Variants in PRKD1 observed in about 807,000 individuals in gnomAD.
The protein encoded by PRKD1 is protein kinase D1.
In PRKD1, 63 loss-of-function variants were observed where a neutral mutation model predicts 95.9. The observed-to-expected ratio is 0.66, with a 90% CI of 0.54 to 0.81. PRKD1 has a LOEUF of 0.81. Among genes scored for constraint, PRKD1 ranks in the 30% least tolerant of loss-of-function variants. The probability of loss-of-function intolerance (pLI) is 0.00; values close to 1 mark genes in which losing one functional copy is unlikely to be tolerated. For missense variants in PRKD1, 1,048 were observed against 1,165.3 expected, an observed-to-expected ratio of 0.90 and a Z score of 1.47; for synonymous variants, 425 against 423.1, an observed-to-expected ratio of 1.00 and a Z score of -0.05.
rs1235497459 is a variant in PRKD1, at chr14:29,826,708, CACAT to C, written c.264+100537_264+100540del. On this transcript the variant is annotated intron_variant, in intron 1 of 17. Transcript: ENST00000331968. ...ATACACACATATATATACATATATA[CACAT>C]ATATATATACATATATATACACATA... is the stretch of plus-strand genomic sequence containing the variant. Among the ~76,000 whole-genome samples the C allele has an allele frequency of 3.6e-4, 16 of 43,962 alleles. 4 individuals are homozygous for C. Among genetic ancestry groups the C allele is most frequent in the African/African-American group, 1.7e-3 (16 of 9,418 alleles). The allele number at this position is 43,962 out of a possible 152,430, so 28.8% of individuals were successfully genotyped here.
intron 1 of PRKD1, among the ~76,000 whole-genome samples, chr14:29,732,743 T>C (rs1886500808): frequency 6.6e-6 from 1 of 152,128 alleles, no homozygotes; most frequent in South Asian, 2.1e-4. Context: ...TATGTTAATG[T>C]TTTTAGCTCT....
chr14:29,838,352 A>C (rs1891691742), intron 1 of PRKD1, among the ~76,000 whole-genome samples: 1 of 152,196 alleles, frequency 6.6e-6, no homozygotes, highest in South Asian at 2.1e-4. Flanking sequence ...CAATTTGTCC[A>C]TTCTTAATAT....
At chr14:29,814,383 C>G (rs1890609269) in intron 1 of PRKD1, among the ~76,000 whole-genome samples, 1 of 152,136 alleles carries the variant, frequency 6.6e-6, no homozygotes, top group South Asian at 2.1e-4. Context: ...TAAGAACCTC[C>G]CAAGGCAGGA....
At chr14:29,779,157 T>C (rs1045012990) in intron 1 of PRKD1, among the ~76,000 whole-genome samples, 3 of 152,124 alleles carry the variant, frequency 2.0e-5, no homozygotes, top group African/African-American at 7.2e-5. Flanking sequence ...AAGACCTATT[T>C]ATGAAAAACC....
chr14:29,686,551 ACTGGGGCTGGGGCCTTGCTATTGT>A (rs979518672), intron 2 of PRKD1, among the ~76,000 whole-genome samples: 2 of 152,140 alleles, frequency 1.3e-5, no homozygotes, highest in Non-Finnish European at 2.9e-5. Flanking sequence ...CAGAAACAAA[ACTGGGGCTGGGGCCTTGCTATTGT>A]CTGATACACG....
intron 4 of PRKD1, among the ~76,000 whole-genome samples, chr14:29,660,861 T>C (rs1051539474): frequency 4.6e-5 from 7 of 152,156 alleles, no homozygotes; most frequent in African/African-American, 1.7e-4. Flanking sequence ...TATTAATGTG[T>C]TCCACTTAAG....
At chr14:29,654,696 G>A (rs992557289) in intron 4 of PRKD1, among the ~76,000 whole-genome samples, 3 of 152,068 alleles carry the variant, frequency 2.0e-5, no homozygotes, top group South Asian at 2.1e-4. Context: ...CCATGAAGGC[G>A]GATAATTTAT....
At chr14:29,915,015 G>A (rs534508653) in intron 1 of PRKD1, among the ~76,000 whole-genome samples, 38 of 152,138 alleles carry the variant, frequency 2.5e-4, no homozygotes, top group Admixed American at 1.0e-3. Context: ...GAGCCACCAC[G>A]CCCAGCCTGA....
intron 1 of PRKD1, among the ~76,000 whole-genome samples, chr14:29,818,499 C>T (rs936125493): frequency 6.6e-6 from 1 of 151,026 alleles, no homozygotes; most frequent in Non-Finnish European, 1.5e-5. Flanking sequence ...CTCAAAATAA[C>T]AACAAAAGCC....
chr14:29,885,784 T>C (rs1235537672), intron 1 of PRKD1, among the ~76,000 whole-genome samples: 1 of 117,508 alleles, frequency 8.5e-6, no homozygotes, highest in African/African-American at 3.3e-5. Context: ...CTGGCCAACA[T>C]GGTGAAACCC....
intron 1 of PRKD1, among the ~76,000 whole-genome samples, chr14:29,880,382 TAC>T (rs1893459983): frequency 6.6e-6 from 1 of 152,176 alleles, no homozygotes; most frequent in East Asian, 1.9e-4. Context: ...AGCCTGCTGG[TAC>T]ACAGAAGTCA....
intron 1 of PRKD1, among the ~76,000 whole-genome samples, chr14:29,814,929 A>ACCATCC (rs1890633310): frequency 1.3e-5 from 2 of 152,244 alleles, no homozygotes; most frequent in Non-Finnish European, 2.9e-5. Context: ...ATGGTTTAAT[A>ACCATCC]TTTAAATAAG....
chr14:29,665,989 T>C (rs1054982252), intron 3 of PRKD1, 88 bp downstream of exon 3: 3 of 1,398,034 alleles, frequency 2.1e-6, no homozygotes, highest in Non-Finnish European at 2.9e-6. Flanking sequence ...GCACTTAGCT[T>C]TTACGTATCT....
chr14:29,609,406 T>TA (rs1450356292), intron 13 of PRKD1, among the ~76,000 whole-genome samples: 4 of 151,772 alleles, frequency 2.6e-5, no homozygotes, highest in Non-Finnish European at 5.9e-5. Flanking sequence ...TTCTATTAAG[T>TA]AAAATTGGCC....
chr14:29,744,607 C>A (rs566214729), intron 1 of PRKD1, among the ~76,000 whole-genome samples: 7 of 152,082 alleles, frequency 4.6e-5, no homozygotes, highest in African/African-American at 1.7e-4. Context: ...GGTGCAATGG[C>A]GTGATCTCAG....
chr14:29,651,700 G>A (rs1881511550), intron 4 of PRKD1, among the ~76,000 whole-genome samples: 2 of 149,370 alleles, frequency 1.3e-5, no homozygotes, highest in South Asian at 4.3e-4. Flanking sequence ...ATAAACTGTT[G>A]AAGTGAACAT....
chr14:29,889,593 C>A lies in PRKD1; in HGVS notation c.264+37656G>T, dbSNP rs141722615. Among the ~76,000 whole-genome samples, 145 of 152,256 alleles carry A rather than the reference C, an allele frequency of 9.5e-4. 3 individuals carry two copies. The highest frequency in any genetic ancestry group is 3.4e-3 in the African/African-American group (140 of 41,544). On this transcript the variant is annotated intron_variant, in intron 1 of 17. Coordinates refer to ENST00000331968, the MANE Select transcript of PRKD1 (RefSeq NM_002742.3). ...GATGAGTTCATGTCCTTTGCAGGCA[C>A]ATGGATGAAGCTGGAAACCATCATT...
At position 29,752,978 on chromosome 14, in the gene PRKD1, C is replaced by G. The variant is rs576620586; in HGVS notation, c.265-27304G>C. On this transcript the variant is annotated intron_variant, in intron 1 of 17. Transcript: ENST00000331968. ...AGTGTGGGAGGTGTGCAGGATAGTTCTGCAGGCTGAAGAAAATCTCTTAGT... is the reference window on the plus strand; with the variant it reads ...AGTGTGGGAGGTGTGCAGGATAGTTGTGCAGGCTGAAGAAAATCTCTTAGT... Among the ~76,000 whole-genome samples the G allele has an allele frequency of 4.6e-5, 7 of 152,074 alleles. No individual in the cohort carries two copies. The South Asian group carries it at 8.3e-4, about 18-fold the overall frequency.
intron 2 of PRKD1, among the ~76,000 whole-genome samples, chr14:29,703,277 C>T (rs1197915306): frequency 6.6e-6 from 1 of 152,148 alleles, no homozygotes; most frequent in Non-Finnish European, 1.5e-5. Flanking sequence ...CTCCTTTTTA[C>T]TTTCTCCCCT....
Sources: gnomAD v4.1 joint callset for allele counts (sites outside exome capture counted in the v4.1 genomes callset) on GRCh38, gnomAD v4.1.1 for gene constraint, MANE v1.5 for transcripts, NCBI Gene and HGNC (gene_info 2026-07-23, HGNC 2026-07-21) for gene names.